Variants in RAP1GAP2 observed in about 807,000 individuals in gnomAD.
RAP1GAP2 encodes rap1 GTPase-activating protein 2.
RAP1GAP2 carries 27 observed loss-of-function variants against 95.0 expected under a neutral mutation model. The observed-to-expected ratio is 0.28, with a 90% CI of 0.21 to 0.39. RAP1GAP2 has a LOEUF of 0.39. RAP1GAP2 is among the 10% of genes least tolerant of loss of function. RAP1GAP2 has a pLI of 1.00. For synonymous variants in RAP1GAP2, 373 were observed against 380.9 expected (o/e 0.98, Z 0.24); for missense variants, 771 against 970.0 (o/e 0.79, Z 2.72).
chr17:2,999,439 C>T (rs962999643), intron 14 of RAP1GAP2, among the ~76,000 whole-genome samples: 20 of 152,226 alleles, frequency 1.3e-4, no homozygotes, highest in African/African-American at 4.6e-4. Context: ...TCTCAAAGCG[C>T]TCCCTGCTCC....
chr17:2,868,023 C>T (rs900630776), intron 2 of RAP1GAP2, among the ~76,000 whole-genome samples: 3 of 152,170 alleles, frequency 2.0e-5, no homozygotes, highest in Non-Finnish European at 2.9e-5. Flanking sequence ...CCTGTGACCG[C>T]GCTGGACCTG....
intron 2 of RAP1GAP2, among the ~76,000 whole-genome samples, chr17:2,833,391 C>T (rs1196007411): frequency 6.6e-6 from 1 of 151,980 alleles, no homozygotes; most frequent in Non-Finnish European, 1.5e-5. Context: ...CCCGCCTCAG[C>T]CTCCCAAAGT....
chr17:2,865,562 A>G lies in RAP1GAP2; in HGVS notation c.81-39722A>G, dbSNP rs991245850. Reference sequence around the variant, plus strand: ...CCATCTGTATTTTAATAGAACGTCTATTTTAATAAGATCTTTGAGATGCAC... The same window carrying G: ...CCATCTGTATTTTAATAGAACGTCTGTTTTAATAAGATCTTTGAGATGCAC... On this transcript the variant is annotated intron_variant, in intron 2 of 24. Transcript: ENST00000254695. Among the ~76,000 whole-genome samples the G allele has an allele frequency of 5.9e-5, 9 of 152,200 alleles. No individual in the cohort carries two copies. The East Asian group carries it at 9.6e-4, about 16-fold the overall frequency.
intron 11 of RAP1GAP2, among the ~76,000 whole-genome samples, chr17:2,988,890 T>C (rs1164862520): frequency 6.6e-6 from 1 of 152,066 alleles, no homozygotes; most frequent in African/African-American, 2.4e-5. Context: ...TGAAACCCTG[T>C]CTCTCCTAAA....
intron 3 of RAP1GAP2, among the ~76,000 whole-genome samples, chr17:2,931,966 C>T (rs142058685): frequency 2.1e-4 from 32 of 152,260 alleles, no homozygotes; most frequent in African/African-American, 6.0e-4. Context: ...TCGCTGACAC[C>T]GCCCTTTACC....
At chr17:2,971,422 A>G (rs2044862207) in intron 8 of RAP1GAP2, among the ~76,000 whole-genome samples, 1 of 152,138 alleles carries the variant, frequency 6.6e-6, no homozygotes, top group South Asian at 2.1e-4. Context: ...TTATTACCTT[A>G]AATGGTTTCC....
intron 4 of RAP1GAP2, among the ~76,000 whole-genome samples, chr17:2,959,915 A>C (rs2044247188): frequency 6.6e-6 from 1 of 152,110 alleles, no homozygotes. Flanking sequence ...GCCTGAGGTC[A>C]GGAGTTCGAG....
At chr17:2,879,584 G>A (rs2073215204) in intron 2 of RAP1GAP2, among the ~76,000 whole-genome samples, 1 of 152,010 alleles carries the variant, frequency 6.6e-6, no homozygotes, top group Admixed American at 6.6e-5. Flanking sequence ...AAAATAGCTG[G>A]GTATGGTGGT....
At chr17:2,976,268 GA>G (rs2045114623) in intron 8 of RAP1GAP2, among the ~76,000 whole-genome samples, 2 of 151,984 alleles carry the variant, frequency 1.3e-5, no homozygotes, top group African/African-American at 4.8e-5. Flanking sequence ...CTTAGCAAAA[GA>G]AAAAAATACA....
chr17:2,896,234 A>G (rs1226772025), intron 2 of RAP1GAP2, among the ~76,000 whole-genome samples: 1 of 152,008 alleles, frequency 6.6e-6, no homozygotes, highest in Non-Finnish European at 1.5e-5. Flanking sequence ...GGTTTTCTGC[A>G]TTTTGCCCGG....
At chr17:2,968,747 G>T (rs1035118813) in intron 8 of RAP1GAP2, among the ~76,000 whole-genome samples, 1 of 152,032 alleles carries the variant, frequency 6.6e-6, no homozygotes, top group African/African-American at 2.4e-5. Flanking sequence ...AAAGATTCTC[G>T]ATTTGGGTCA....
At chr17:2,818,057 C>T (rs58081792) in intron 2 of RAP1GAP2, among the ~76,000 whole-genome samples, 1,806 of 151,338 alleles carry the variant, frequency 0.012, 45 homozygotes, top group African/African-American at 0.042. Context: ...AGGATGGTCT[C>T]AATCTCCTGA....
chr17:2,889,883 ATATATAT>A lies in RAP1GAP2; in HGVS notation c.81-15399_81-15393del, dbSNP rs1416032513. Reference sequence around the variant, plus strand: ...TGTGTGTATATATATATATATATATATATATATTTTTTTTTTTTTTTGTAGAGATGGG... The same window carrying A: ...TGTGTGTATATATATATATATATATATTTTTTTTTTTTTTGTAGAGATGGG... On this transcript the variant is annotated intron_variant, in intron 2 of 24. Coordinates refer to ENST00000254695, the MANE Select transcript of RAP1GAP2 (RefSeq NM_015085.5). 4.3e-4 allele frequency among the ~76,000 whole-genome samples: 30 copies of A among 69,710 alleles called. 1 individual carries two copies. The highest frequency in any genetic ancestry group is 5.3e-4 in the African/African-American group (8 of 15,094). 45.7% of individuals were successfully genotyped at this position (69,710 alleles called of 152,430 possible).
intron 2 of RAP1GAP2, among the ~76,000 whole-genome samples, chr17:2,879,754 C>G (rs2073223120): frequency 6.6e-6 from 1 of 151,284 alleles, no homozygotes; most frequent in African/African-American, 2.4e-5. Context: ...GTCCCTGCTT[C>G]CTGTTGGGTC....
chr17:2,851,819 C>T (rs1346869027), intron 2 of RAP1GAP2, among the ~76,000 whole-genome samples: 1 of 151,066 alleles, frequency 6.6e-6, no homozygotes, highest in Non-Finnish European at 1.5e-5. Flanking sequence ...TCAAGTGATC[C>T]ACCTGCCTGC....
Position 2,904,843 on chromosome 17 carries a change from G to A in RAP1GAP2, c.81-441G>A, listed in dbSNP as rs1487419899. Among the ~76,000 whole-genome samples, 1 of 152,046 alleles carries A rather than the reference G, an allele frequency of 6.6e-6. No homozygotes were observed. Among genetic ancestry groups the A allele is most frequent in the Non-Finnish European group, 1.5e-5 (1 of 68,018 alleles). ...CACTGCTTTAGATTTTGGTGCATTG[G>A]AGTAAAGAAAATGCTCCCAATTCTG... On this transcript the variant is annotated intron_variant, in intron 2 of 24. Transcript: ENST00000254695. This position sits in a 1 kb window ranked among gnomAD's most constrained non-coding sequence, Gnocchi z 4.7.
In RAP1GAP2 at chr17:3,029,448, G is replaced by A. The variant is rs548407530; in HGVS notation, c.2108-1474G>A. Among the ~76,000 whole-genome samples the A allele has an allele frequency of 6.6e-6, 1 of 152,156 alleles. No individual in the cohort carries two copies. Among genetic ancestry groups the A allele is most frequent in the Non-Finnish European group, 1.5e-5 (1 of 68,026 alleles). On this transcript the variant is annotated intron_variant, in intron 22 of 24. Transcript: ENST00000254695. The surrounding 1 kb of genome is among the most constrained non-coding windows in gnomAD (Gnocchi z 4.4). ...TACCCACTGGATCAGGGTGGGCTTG[G>A]GGGGATCTGGGAACCGGTTTCATGC...
chr17:3,023,806 AC>A (rs1187452963), intron 19 of RAP1GAP2, among the ~76,000 whole-genome samples: 3 of 148,840 alleles, frequency 2.0e-5, no homozygotes, highest in African/African-American at 7.5e-5. Flanking sequence ...CCCTCCCCTT[AC>A]CCCCAACCCC....
chr17:2,785,457 C>A (rs534062744), intron 1 of RAP1GAP2, among the ~76,000 whole-genome samples: 10 of 151,642 alleles, frequency 6.6e-5, no homozygotes, highest in Admixed American at 3.9e-4. Flanking sequence ...CCACCCGGCC[C>A]TAGGAGTTAA....
Sources: allele counts gnomAD v4.1 joint callset (sites outside exome capture counted in the v4.1 genomes callset), GRCh38; gene constraint gnomAD v4.1.1; non-coding constraint Gnocchi (gnomAD v3.1); transcripts MANE v1.5; gene names NCBI Gene and HGNC (gene_info 2026-07-23, HGNC 2026-07-21).